NAPRT: variants seen among roughly 807,000 people sequenced by gnomAD.
NAPRT encodes nicotinate phosphoribosyltransferase.
Under a neutral mutation model 60.7 loss-of-function variants are expected in NAPRT, and 66 were observed. That is an observed-to-expected ratio of 1.09 (90% CI 0.89 to 1.33). The LOEUF is 1.33. Ranked by LOEUF, NAPRT falls within the 40% of genes most tolerant of loss-of-function variation. The pLI, the probability that NAPRT is intolerant of heterozygous loss-of-function variation, is 0.00. For synonymous variants in NAPRT, 405 were observed against 335.7 expected (o/e 1.21, Z -2.26); for missense variants, 818 against 731.5 (o/e 1.12, Z -1.36).
At chr8:143,574,384 G>C (rs547653635), downstream of NAPRT, among the ~76,000 whole-genome samples, 3 of 152,186 alleles carry the variant, frequency 2.0e-5, no homozygotes, top group East Asian at 5.8e-4. Flanking sequence ...TGAGCCTGGG[G>C]GGCAGTGCCT....
At chr8:143,572,886 C>A, downstream of NAPRT, 1 of 758,578 alleles carries the variant, frequency 1.3e-6, no homozygotes, top group Admixed American at 3.5e-5. Context: ...CTTTGAGGGG[C>A]CCTCCTGCCT....
chr8:143,574,194 A>T (rs1432493149), downstream of NAPRT, among the ~76,000 whole-genome samples: 1 of 152,216 alleles, frequency 6.6e-6, no homozygotes, highest in Non-Finnish European at 1.5e-5. Flanking sequence ...TCTGGGGCTG[A>T]GTCATCTCCT....
rs762680502 is a variant in NAPRT at position 143,577,850 on chromosome 8, C to T, written c.320G>A (p.Arg107Gln). The T allele has an allele frequency of 2.5e-6, 4 of 1,611,580 alleles. No individual in the cohort carries two copies. The highest frequency in any genetic ancestry group is 4.5e-5 in the East Asian group (2 of 44,836). The change falls in exon 2 of 13, where the codon CGA becomes CAA. Residue 107 changes from arginine (R) to glutamine (Q), a missense_variant. Transcript: ENST00000449291. Reference protein sequence around the residue: ...RALDCSEVTVRALPEGSLAFP... With the variant: ...RALDCSEVTVQALPEGSLAFP... ...GGCGAGGGAGCCCTCGGGCAGGGCT[C>T]GCACCGTCACCTCGGAGCAGTCGAG...
chr8:143,574,065 A>G (rs1336017553), downstream of NAPRT, among the ~76,000 whole-genome samples: 1 of 152,202 alleles, frequency 6.6e-6, no homozygotes, highest in Non-Finnish European at 1.5e-5. Context: ...CTCTCCCCCA[A>G]GCAGTTCCTC....
rs772685236 is a variant in NAPRT at position 143,578,096 on chromosome 8, C to T, written c.223G>A (p.Ala75Thr). Residue 75 changes from alanine to threonine, a missense_variant, in exon 1 of 13, where the codon GCC (alanine) becomes ACC (threonine). Physicochemically the swap from Ala to Thr is moderately conservative, Grantham distance 58. Transcript: ENST00000449291. ...CGTCGCGCGGACGGGGGACTACCGG[C>T]GTCCCGCAGGCGGAAGGCGCGCAGG... Reference protein sequence around the residue: ...RFLRAFRLRDADVQFLASVLP... With the variant: ...RFLRAFRLRDTDVQFLASVLP... 22 of 1,521,694 alleles carry T rather than the reference C, an allele frequency of 1.4e-5. No homozygotes were observed. The highest frequency in any genetic ancestry group is 1.3e-4 in the Admixed American group (6 of 46,042). 94.3% of individuals were successfully genotyped at this position (1,521,694 alleles called of 1,614,324 possible). A position where few individuals can be genotyped will look rare whatever the true frequency, so the allele number is the denominator to read the frequency against.
At position 143,574,974 on chromosome 8, in the gene NAPRT, C is replaced by A. The variant is rs1274613391; in HGVS notation, c.1554+12G>T. 3 of 1,544,828 alleles carry A rather than the reference C, an allele frequency of 1.9e-6. No individual in the cohort carries two copies. Among genetic ancestry groups the A allele is most frequent in the South Asian group, 1.2e-5 (1 of 83,314 alleles). On this transcript the variant is annotated intron_variant, in intron 12 of 12. Coordinates refer to ENST00000449291, the MANE Select transcript of NAPRT (RefSeq NM_145201.6). ...GCACAGGGCAGAATGACAGGGTGGG[C>A]CTCCCCCCAACCTGGTACTGTGCAG...
At chr8:143,574,112 G>T (rs751542711), downstream of NAPRT, among the ~76,000 whole-genome samples, 17 of 152,382 alleles carry the variant, frequency 1.1e-4, no homozygotes, top group Non-Finnish European at 2.4e-4. Context: ...GGAACCCTGA[G>T]ATCAGGAACT....
rs1200581274 is a variant in NAPRT at position 143,578,169 on chromosome 8, G to A, written c.150C>T (p.Phe50=). ...EFELFFRRCP[F]GGAFALAAGL... ...CGGCGGCCAAGGCGAAGGCGCCGCCGAACGGGCAGCGGCGGAAGAAGAGCT... is the reference window on the plus strand; with the variant it reads ...CGGCGGCCAAGGCGAAGGCGCCGCCAAACGGGCAGCGGCGGAAGAAGAGCT... Residue 50 remains phenylalanine (F), a synonymous_variant, in exon 1 of 13, where the codon TTC becomes TTT. Coordinates refer to ENST00000449291, the MANE Select transcript of NAPRT (RefSeq NM_145201.6). 6 of 1,518,170 alleles carry A rather than the reference G, an allele frequency of 4.0e-6. No individual in the cohort carries two copies. The highest frequency in any genetic ancestry group is 2.2e-5 in the Admixed American group (1 of 46,372). The allele number at this position is 1,518,170 out of a possible 1,614,324, so 94.0% of individuals were successfully genotyped here.
chr8:143,576,563 G>C lies in NAPRT; in HGVS notation c.891C>G (p.Leu297=). The C allele has an allele frequency of 6.2e-7, 1 of 1,611,262 alleles. No individual in the cohort carries two copies. The highest frequency in any genetic ancestry group is 8.5e-7 in the Non-Finnish European group (1 of 1,179,278). Residue 297 remains leucine (L), a synonymous_variant, in exon 7 of 13, where the codon CTC becomes CTG. Coordinates refer to ENST00000449291, the MANE Select transcript of NAPRT (RefSeq NM_145201.6). ...CCAGGGCGACTGCTAGGAAGTTGGGGAGACCACTCCTGCAGAAATAGATAA... is the reference window on the plus strand; with the variant it reads ...CCAGGGCGACTGCTAGGAAGTTGGGCAGACCACTCCTGCAGAAATAGATAA... The part of the protein sequence containing the change: ...LDTYSVWRSG[L]PNFLAVALAL...
At position 143,577,775 on chromosome 8, in the gene NAPRT, G is replaced by C. The variant is rs753284689; in HGVS notation, c.355-36C>G. On this transcript the variant is annotated intron_variant, in intron 2 of 12. Coordinates refer to ENST00000449291, the MANE Select transcript of NAPRT (RefSeq NM_145201.6). ...AGAAGTCAGCTCCGCGCTCGGCCCA[G>C]CACCCCGTGGCCGCCGCGCCGCCCG... 4.5e-6 allele frequency: 7 copies of C among 1,572,146 alleles called. No homozygotes were observed. The South Asian group carries it at 8.0e-5, about 18-fold the overall frequency.
At chr8:143,577,973 G>C in intron 1 of NAPRT, 30 bp from the exon 2 acceptor site, 1 of 1,595,740 alleles carries the variant, frequency 6.3e-7, no homozygotes, top group Non-Finnish European at 8.6e-7. Context: ...GCTGAGACCA[G>C]CGCGGGGACA....
chr8:143,576,322 C>A (rs1379828415), intron 7 of NAPRT, 110 bp downstream of exon 7: 1 of 1,462,476 alleles, frequency 6.8e-7, no homozygotes, highest in East Asian at 2.3e-5. Flanking sequence ...CCTGCCACGG[C>A]CTGCAGTATC....
Position 143,578,148 on chromosome 8 carries a change from G to C in NAPRT, c.171C>G (p.Ala57=), listed in dbSNP as rs896951. The part of the protein sequence containing the change: ...RCPFGGAFAL[A]AGLRDCVRFL... ...AGCGCACACAGTCGCGCAAGCCGGC[G>C]GCCAAGGCGAAGGCGCCGCCGAACG... Residue 57 remains alanine, a synonymous_variant, in exon 1 of 13, where the codon GCC becomes GCG. Transcript: ENST00000449291. The C allele has an allele frequency of 1.2e-5, 19 of 1,522,612 alleles. No individual in the cohort carries two copies. The Admixed American group carries it at 1.5e-4, about 12-fold the overall frequency. 94.3% of individuals were successfully genotyped at this position (1,522,612 alleles called of 1,614,324 possible).
At chr8:143,572,889 T>C (rs2130679217), downstream of NAPRT, 5 of 733,110 alleles carry the variant, frequency 6.8e-6, no homozygotes, top group Non-Finnish European at 1.0e-5. Flanking sequence ...TGAGGGGCCC[T>C]CCTGCCTGGG....
Position 143,577,864 on chromosome 8 carries a change from G to A in NAPRT, c.306C>T (p.Ser102=). The change falls in exon 2 of 13, where the codon TCC becomes TCT. Residue 102 remains serine (S), a synonymous_variant. Transcript: ENST00000449291. ...FFEHLRALDC[S]EVTVRALPEG... is the part of the protein sequence containing the mutation. ...CGGGCAGGGCTCGCACCGTCACCTC[G>A]GAGCAGTCGAGGGCCCGAAGGTGCT... 3 of 1,612,204 alleles carry A rather than the reference G, an allele frequency of 1.9e-6. No homozygotes were observed. Among genetic ancestry groups the A allele is most frequent in the Non-Finnish European group, 2.5e-6 (3 of 1,179,772 alleles).
chr8:143,576,341 A>G, intron 7 of NAPRT, 91 bp downstream of exon 7: 2 of 1,507,382 alleles, frequency 1.3e-6, no homozygotes, highest in Non-Finnish European at 1.8e-6. Context: ...TCACCGCTGA[A>G]ACTTCAGCAG....
In NAPRT at chr8:143,577,045, T is replaced by C; in HGVS notation, c.684+17A>G. 1 of 1,608,718 alleles carries C rather than the reference T, an allele frequency of 6.2e-7. No homozygotes were observed. Among genetic ancestry groups the C allele is most frequent in the Non-Finnish European group, 8.5e-7 (1 of 1,176,440 alleles). ...GCCTGTCGCCTGGAGACAGCAGGGT[T>C]TAGAGGAGGGACTGACCGGGTCAGG... On this transcript the variant is annotated intron_variant, in intron 5 of 12. Coordinates refer to ENST00000449291, the MANE Select transcript of NAPRT (RefSeq NM_145201.6).
chr8:143,577,987 C>T (rs773911647), intron 1 of NAPRT, 44 bp from the exon 2 acceptor site: 1 of 1,580,356 alleles, frequency 6.3e-7, no homozygotes, highest in East Asian at 2.3e-5. Flanking sequence ...GGGGACAGAC[C>T]GGTCGTGGGA....
chr8:143,577,239 C>G (rs760609477), intron 4 of NAPRT, 30 bp downstream of exon 4: 13 of 1,605,882 alleles, frequency 8.1e-6, no homozygotes, highest in Non-Finnish European at 6.8e-6. Flanking sequence ...TCCTTCCCGG[C>G]CCTTGCCTTG....
Sources: allele counts gnomAD v4.1 joint callset (sites outside exome capture counted in the v4.1 genomes callset), GRCh38; gene constraint gnomAD v4.1.1; transcripts MANE v1.5; gene names NCBI Gene and HGNC (gene_info 2026-07-23, HGNC 2026-07-21).